Variants in SLC6A20 observed in about 807,000 individuals in gnomAD.
The protein encoded by SLC6A20 is sodium- and chloride-dependent transporter XTRP3.
A neutral mutation model predicts 64.3 loss-of-function variants in SLC6A20; 73 were observed. The ratio of observed to expected loss-of-function variants is 1.14; its 90% CI spans 0.94 to 1.38. The LOEUF (loss-of-function observed/expected upper bound fraction) is 1.38. Among genes scored for constraint, SLC6A20 ranks in the 40% most tolerant of loss-of-function variants. The pLI is 0.00. For missense variants in SLC6A20, 725 were observed against 772.8 expected (o/e 0.94, Z 0.73); for synonymous variants, 347 against 329.6 (o/e 1.05, Z -0.57).
intron 3 of SLC6A20, 75 bp from the exon 4 acceptor site, chr3:45,776,063 G>A: frequency 2.1e-6 from 3 of 1,408,046 alleles, no homozygotes; most frequent in Non-Finnish European, 3.0e-6. Context: ...TGAGGGAGGT[G>A]GCCCTGAGCG....
At chr3:45,790,793 C>T (rs1014215285) in intron 1 of SLC6A20, among the ~76,000 whole-genome samples, 3 of 152,186 alleles carry the variant, frequency 2.0e-5, no homozygotes, top group African/African-American at 7.2e-5. Flanking sequence ...ACCTTCTTAG[C>T]CTGTTATTTG....
chr3:45,771,112 T>C, intron 6 of SLC6A20, 105 bp downstream of exon 6: 6 of 1,507,186 alleles, frequency 4.0e-6, no homozygotes, highest in Non-Finnish European at 2.7e-6. Context: ...GAGCCCTGGA[T>C]TGAGGACTCC....
intron 4 of SLC6A20, among the ~76,000 whole-genome samples, chr3:45,774,178 T>C (rs7633172): frequency 0.035 from 5,261 of 152,330 alleles, 299 homozygotes; most frequent in African/African-American, 0.11. Flanking sequence ...AGATTAGCTC[T>C]ATTTACATAG....
chr3:45,780,249 C>G (rs576373229), intron 2 of SLC6A20, 149 bp from the exon 3 acceptor site: 1 of 642,236 alleles, frequency 1.6e-6, no homozygotes, highest in Non-Finnish European at 2.7e-6. Context: ...GAGTATTAAG[C>G]GAGACCAGGC....
Position 45,771,376 on chromosome 3 carries a change from A to G in SLC6A20, c.776T>C (p.Leu259Pro). 6.2e-7 allele frequency: 1 copy of G among 1,614,240 alleles called. No individual in the cohort carries two copies. The highest frequency in any genetic ancestry group is 8.5e-7 in the Non-Finnish European group (1 of 1,180,048). ...CTCATTGTAGCTGGCGAAGGCGATCAGGCTGCCGAAGCCCAGGCCAAGTGA... is the reference window on the plus strand; with the variant it reads ...CTCATTGTAGCTGGCGAAGGCGATCGGGCTGCCGAAGCCCAGGCCAAGTGA... ...FFSLGLGFGS[L>P]IAFASYNEPS... Residue 259 changes from leucine to proline, a missense_variant, in exon 6 of 11, where the codon CTG becomes CCG. By Grantham distance (98) the Leu-to-Pro change is moderately conservative. Transcript: ENST00000358525.
chr3:45,772,643 C>T (rs1298300051), intron 4 of SLC6A20, 28 bp from the exon 5 acceptor site: 2 of 1,591,074 alleles, frequency 1.3e-6, no homozygotes, highest in Non-Finnish European at 1.7e-6. Flanking sequence ...CAGAGTTGGC[C>T]TCCCGGAGCA....
At chr3:45,779,511 G>A (rs1700032512) in intron 3 of SLC6A20, among the ~76,000 whole-genome samples, 1 of 152,176 alleles carries the variant, frequency 6.6e-6, no homozygotes, top group Non-Finnish European at 1.5e-5. Context: ...GAGAACTTAG[G>A]GGTCTGCAGG....
At chr3:45,771,658 C>T (rs1699870570) in intron 5 of SLC6A20, 200 bp from the exon 6 acceptor site, 5 of 759,088 alleles carry the variant, frequency 6.6e-6, no homozygotes, top group East Asian at 5.4e-5. Context: ...AAGCTGCACA[C>T]CTCCCAGGGC....
chr3:45,776,059 A>G, intron 3 of SLC6A20, 71 bp from the exon 4 acceptor site: 1 of 1,466,156 alleles, frequency 6.8e-7, no homozygotes. Context: ...GGGGTGAGGG[A>G]GGTGGCCCTG....
chr3:45,782,520 C>T (rs999902164), intron 1 of SLC6A20, among the ~76,000 whole-genome samples: 9 of 152,104 alleles, frequency 5.9e-5, no homozygotes, highest in East Asian at 1.9e-4. Context: ...TTCTGTCTAT[C>T]TTTCCATCCT....
At chr3:45,790,200 T>A (rs1700226490) in intron 1 of SLC6A20, 1 of 152,134 alleles carries the variant, frequency 6.6e-6, no homozygotes, top group African/African-American at 2.4e-5. Flanking sequence ...CATATCTTTT[T>A]TTCCAAAAAC....
intron 1 of SLC6A20, among the ~76,000 whole-genome samples, chr3:45,794,861 G>C (rs1361485544): frequency 6.6e-6 from 1 of 152,118 alleles, no homozygotes; most frequent in Non-Finnish European, 1.5e-5. Flanking sequence ...AATGCTGTTA[G>C]AGCATATGGC....
rs1246353490 is a variant in SLC6A20 at position 45,756,192 on chromosome 3, C to T, written c.*2786G>A. The T allele has an allele frequency of 6.6e-6, 1 of 152,182 alleles. No individual in the cohort carries two copies. The highest frequency in any genetic ancestry group is 1.5e-5 in the Non-Finnish European group (1 of 68,020). 9.4% of individuals were successfully genotyped at this position (152,182 alleles called of 1,614,324 possible). A position where few individuals can be genotyped will look rare whatever the true frequency, so the allele number is the denominator to read the frequency against. On this transcript the variant is annotated 3_prime_UTR_variant, in exon 11 of 11. Coordinates refer to ENST00000358525, the MANE Select transcript of SLC6A20 (RefSeq NM_020208.4). The stretch of plus-strand genomic sequence containing the variant: ...TAAGGTAATGATCTAGGACATTTAT[C>T]TTTTCACTCCTGAGGCTACCTGGTA...
intron 1 of SLC6A20, among the ~76,000 whole-genome samples, chr3:45,792,693 G>A (rs1487828517): frequency 6.6e-6 from 1 of 152,204 alleles, no homozygotes; most frequent in Non-Finnish European, 1.5e-5. Flanking sequence ...CGCAGCTCCA[G>A]GCCGGCTCAC....
At position 45,770,223 on chromosome 3, in the gene SLC6A20, AT is replaced by A; in HGVS notation, c.1083del (p.Glu361AspfsTer4). On this transcript the variant is annotated frameshift_variant, in exon 7 of 11. Transcript: ENST00000358525. LOFTEE classifies it high-confidence loss of function. The part of the protein sequence containing the change: ...MFPQIKNCSL[E>X]SELDTAVQGT... ...GGGCATCTTACCGTGTCTAGCTCCG[AT>A]TCCAAGCTGCAGTTTTTGATTTGCG... The A allele has an allele frequency of 6.2e-7, 1 of 1,614,210 alleles. No homozygotes were observed. Among genetic ancestry groups the A allele is most frequent in the Non-Finnish European group, 8.5e-7 (1 of 1,180,032 alleles).
At position 45,767,795 on chromosome 3, in the gene SLC6A20, A is replaced by G. The variant is rs1699799893; in HGVS notation, c.1099-2054T>C. Among the ~76,000 whole-genome samples, 4 of 152,218 alleles carry G rather than the reference A, an allele frequency of 2.6e-5. No individual in the cohort carries two copies. In the South Asian group the frequency reaches 8.3e-4, roughly 31 times the overall value. ...AGAGAAGATCATGAGAAAGAGAAAA[A>G]GCTGCTTGCTTACAAAGAATAAAAG... On this transcript the variant is annotated intron_variant, in intron 7 of 10. Transcript: ENST00000358525.
chr3:45,792,803 C>T (rs1424222248), intron 1 of SLC6A20, among the ~76,000 whole-genome samples: 1 of 152,208 alleles, frequency 6.6e-6, no homozygotes, highest in Non-Finnish European at 1.5e-5. Context: ...TCAAGGTAAT[C>T]TGCAAATTCT....
intron 7 of SLC6A20, 141 bp downstream of exon 7, chr3:45,770,068 C>G: frequency 1.8e-6 from 2 of 1,095,946 alleles, no homozygotes; most frequent in Non-Finnish European, 2.6e-6. Context: ...AGCCTCTCTT[C>G]CCCTTGGAGT....
intron 1 of SLC6A20, among the ~76,000 whole-genome samples, chr3:45,792,128 C>A (rs1397868583): frequency 6.6e-6 from 1 of 152,188 alleles, no homozygotes; most frequent in Non-Finnish European, 1.5e-5. Context: ...GCACAGGCTC[C>A]TGGCCAGGCC....
Sources: gnomAD v4.1 joint callset for allele counts (sites outside exome capture counted in the v4.1 genomes callset) on GRCh38, gnomAD v4.1.1 for gene constraint, MANE v1.5 for transcripts, NCBI Gene and HGNC (gene_info 2026-07-23, HGNC 2026-07-21) for gene names.